The following ARHGEF1 variants were observed in gnomAD, a reference collection of about 807,000 sequenced individuals.
The protein encoded by ARHGEF1 is 115 kDa guanine nucleotide exchange factor.
A neutral mutation model predicts 119.7 loss-of-function variants in ARHGEF1; 40 were observed. The observed-to-expected ratio is 0.33, with a 90% confidence interval of 0.26 to 0.44. ARHGEF1 has a LOEUF of 0.44. ARHGEF1 is among the 20% of genes least tolerant of loss of function. The probability of loss-of-function intolerance (pLI) is 1.00; values close to 1 mark genes in which losing one functional copy is unlikely to be tolerated. For synonymous variants in ARHGEF1, 494 were observed against 521.0 expected, an observed-to-expected ratio of 0.95 and a Z score of 0.71; for missense variants, 976 against 1,268.3, an observed-to-expected ratio of 0.77 and a Z score of 3.50.
Position 41,892,510 on chromosome 19 carries a change from A to G in ARHGEF1, c.368-93A>G, listed in dbSNP as rs1004995203. ...TTCATTCCTTCTTGGCAGCGGCCTC[A>G]GGACGTGTGGCTGTTGGAGTCCAAG... On this transcript the variant is annotated intron_variant, in intron 6 of 28. Coordinates refer to ENST00000354532, the MANE Select transcript of ARHGEF1 (RefSeq NM_004706.4). The surrounding 1 kb of genome is among the most constrained non-coding windows in gnomAD (Gnocchi z 6.3). 22 of 1,578,242 alleles carry G rather than the reference A, an allele frequency of 1.4e-5. No homozygotes were observed. Among genetic ancestry groups the G allele is most frequent in the Non-Finnish European group, 1.6e-5 (19 of 1,157,460 alleles).
rs147318287 is a variant in ARHGEF1, at chr19:41,895,372, C to T, written c.901C>T (p.Arg301Trp). ...VDAEKPGATD[R>W]KGGVGMPSRD... The stretch of plus-strand genomic sequence containing the variant: ...AGCCGAGAAGCCAGGTGCTACAGAC[C>T]GGAAGGGAGGCGTGGGGATGCCCTC... The change falls in exon 12 of 29, where the codon CGG (arginine) becomes TGG (tryptophan). Residue 301 changes from arginine (R) to tryptophan (W), a missense_variant. Physicochemically the swap from Arg to Trp is moderately radical, Grantham distance 101 (BLOSUM62 -3). Transcript: ENST00000354532. 3.2e-5 allele frequency: 52 copies of T among 1,611,946 alleles called. No homozygotes were observed. The highest frequency in any genetic ancestry group is 1.5e-4 in the Admixed American group (9 of 59,952).
intron 1 of ARHGEF1, among the ~76,000 whole-genome samples, chr19:41,887,361 G>A (rs1352555827): frequency 1.3e-5 from 2 of 152,110 alleles, no homozygotes; most frequent in African/African-American, 4.8e-5. Flanking sequence ...CACGTAGGGT[G>A]GAGGGGACAG....
chr19:41,920,339 G>T (rs201514592), upstream of ARHGEF1, among the ~76,000 whole-genome samples: 1 of 131,592 alleles, frequency 7.6e-6, no homozygotes, highest in Non-Finnish European at 1.6e-5. Flanking sequence ...ACACTCAGAC[G>T]TGATGCACTC....
At chr19:41,884,668 A>G (rs2074267012) in intron 1 of ARHGEF1, among the ~76,000 whole-genome samples, 1 of 152,120 alleles carries the variant, frequency 6.6e-6, no homozygotes. Context: ...ATAAAGTCTT[A>G]CAGACCCTCC....
intron 1 of ARHGEF1, among the ~76,000 whole-genome samples, chr19:41,926,486 T>A (rs2074871061): frequency 6.6e-6 from 1 of 152,004 alleles, no homozygotes; most frequent in Non-Finnish European, 1.5e-5. Flanking sequence ...GTGGGTGCAG[T>A]GTGACTCTGC....
chr19:41,898,730 C>G, intron 14 of ARHGEF1, 143 bp downstream of exon 14: 1 of 1,133,014 alleles, frequency 8.8e-7, no homozygotes, highest in Non-Finnish European at 1.2e-6. Context: ...CCCTCTTGTT[C>G]CAAGTTCAGA....
intron 13 of ARHGEF1, chr19:41,898,086 C>T (rs1298222752): frequency 1.5e-6 from 2 of 1,362,434 alleles, no homozygotes; most frequent in African/African-American, 1.5e-5. Context: ...TCCGCCACGG[C>T]AGTGCTTGGC....
At chr19:41,887,150 G>A (rs781901586) in intron 1 of ARHGEF1, among the ~76,000 whole-genome samples, 11 of 152,164 alleles carry the variant, frequency 7.2e-5, no homozygotes, top group African/African-American at 1.2e-4. Context: ...CAGGACAGAC[G>A]GAGCTACAGA....
intron 18 of ARHGEF1, among the ~76,000 whole-genome samples, chr19:41,913,255 G>A (rs1353765032): frequency 6.6e-6 from 1 of 151,122 alleles, no homozygotes; most frequent in East Asian, 2.0e-4. Flanking sequence ...ACACTCGCTG[G>A]CTCTCACGCC....
chr19:41,885,950 A>G (rs1381263076), intron 1 of ARHGEF1, among the ~76,000 whole-genome samples: 12 of 151,322 alleles, frequency 7.9e-5, no homozygotes, highest in Admixed American at 7.9e-4. Flanking sequence ...TCACCATGTT[A>G]GCCAGGCTGG....
rs938661645 is a variant in ARHGEF1 at position 41,883,988 on chromosome 19, A to C, written c.-20+699A>C. ...TCAAGACTATTGCTTTTCCGGTTCC[A>C]AAGGAAGGGGCTGGGGGTGGGAGAC... On this transcript the variant is annotated intron_variant, in intron 1 of 28. Transcript: ENST00000354532. The surrounding 1 kb of genome is among the most constrained non-coding windows in gnomAD (Gnocchi z 7.6). Among the ~76,000 whole-genome samples the C allele has an allele frequency of 1.3e-5, 2 of 152,114 alleles. No individual in the cohort carries two copies. The highest frequency in any genetic ancestry group is 4.8e-5 in the African/African-American group (2 of 41,404).
In ARHGEF1 at chr19:41,905,413, GTGAC is replaced by G. The variant is rs1208428656; in HGVS notation, c.2336+155_2336+158del. The G allele has an allele frequency of 1.0e-5, 7 of 679,568 alleles. No homozygotes were observed. The highest frequency in any genetic ancestry group is 2.7e-5 in the East Asian group (1 of 36,984). 42.1% of individuals were successfully genotyped at this position (679,568 alleles called of 1,614,324 possible). A position where few individuals can be genotyped will look rare whatever the true frequency, so the allele number is the denominator to read the frequency against. ...TACATGTGTGTCTGTACGCAAGTAT[GTGAC>G]TGTGCGTGCATATATAGTGTGTGTA... is the stretch of plus-strand genomic sequence containing the variant. On this transcript the variant is annotated intron_variant, in intron 24 of 28. Transcript: ENST00000354532. The surrounding 1 kb of genome is among the most constrained non-coding windows in gnomAD (Gnocchi z 6.4).
chr19:41,928,847 C>G (rs1555853580), exon 2 of ARHGEF1: 1 of 451,512 alleles, frequency 2.2e-6, no homozygotes, highest in Admixed American at 2.4e-5. Context: ...CGCGGACAAA[C>G]GGACAGGCGC....
Position 41,906,656 on chromosome 19 carries a change from C to T in ARHGEF1, c.2655+36C>T. On this transcript the variant is annotated intron_variant, in intron 27 of 28. Coordinates refer to ENST00000354532, the MANE Select transcript of ARHGEF1 (RefSeq NM_004706.4). The surrounding 1 kb of genome is among the most constrained non-coding windows in gnomAD (Gnocchi z 4.5). ...ACGGGCCAGGGGTGCCCTGAGTGGG[C>T]TGGGGAAGGAAGGGGCCCCCCTCAT... is the stretch of plus-strand genomic sequence containing the variant. 1.3e-6 allele frequency: 2 copies of T among 1,599,842 alleles called. No homozygotes were observed. Among genetic ancestry groups the T allele is most frequent in the Non-Finnish European group, 1.7e-6 (2 of 1,175,312 alleles).
At chr19:41,894,963 G>T (rs1187482882) in intron 11 of ARHGEF1, among the ~76,000 whole-genome samples, 2 of 140,546 alleles carry the variant, frequency 1.4e-5, no homozygotes, top group Non-Finnish European at 3.0e-5. Context: ...GAGGCCTGGG[G>T]CCTGGACCCC....
intron 18 of ARHGEF1, among the ~76,000 whole-genome samples, chr19:41,914,360 A>C (rs1599673853): frequency 3.0e-5 from 4 of 132,052 alleles, no homozygotes; most frequent in South Asian, 2.6e-4. Flanking sequence ...TCTCTCCTCC[A>C]CCAAGGGGGT....
In ARHGEF1 at chr19:41,902,335, C is replaced by A; in HGVS notation, c.1476C>A (p.Ile492=). 6.2e-7 allele frequency: 1 copy of A among 1,614,116 alleles called. No individual in the cohort carries two copies. Among genetic ancestry groups the A allele is most frequent in the South Asian group, 1.1e-5 (1 of 91,084 alleles). ...RQESGYLIEE[I]GDVLLARFDG... ...AGAGTGGCTACCTCATCGAGGAGAT[C>A]GGAGACGTGCTGCTGGCCCGGGTGA... Residue 492 remains isoleucine (I), a synonymous_variant, in exon 16 of 29, where the codon ATC becomes ATA. Transcript: ENST00000354532. The surrounding 1 kb of genome is among the most constrained non-coding windows in gnomAD (Gnocchi z 6.5).
chr19:41,907,196 TGAGGA>T lies in ARHGEF1; in HGVS notation c.*114_*118del. On this transcript the variant is annotated 3_prime_UTR_variant, in exon 29 of 29. Coordinates refer to ENST00000354532, the MANE Select transcript of ARHGEF1 (RefSeq NM_004706.4). ...CGCAGCATCTCACACCCCGAGGGCC[TGAGGA>T]GAGGGAGCTGTGGGCCACGCCTGGG... 1 of 1,522,606 alleles carries T rather than the reference TGAGGA, an allele frequency of 6.6e-7. No homozygotes were observed. The allele number at this position is 1,522,606 out of a possible 1,614,324, so 94.3% of individuals were successfully genotyped here. A position where few individuals can be genotyped will look rare whatever the true frequency, so the allele number is the denominator to read the frequency against.
At chr19:41,909,134 C>T (rs1438512138), downstream of ARHGEF1, 3 of 1,231,810 alleles carry the variant, frequency 2.4e-6, no homozygotes, top group South Asian at 4.1e-5. This position sits in a 1 kb window ranked among gnomAD's most constrained non-coding sequence, Gnocchi z 5.2. Context: ...TGTCCGGGCC[C>T]CTGGCTCTCC....
Sources: allele counts gnomAD v4.1 joint callset (sites outside exome capture counted in the v4.1 genomes callset), GRCh38; gene constraint gnomAD v4.1.1; non-coding constraint Gnocchi (gnomAD v3.1); transcripts MANE v1.5; gene names NCBI Gene and HGNC (gene_info 2026-07-23, HGNC 2026-07-21).